LRBA: variants seen among roughly 807,000 people sequenced by gnomAD.
The protein encoded by LRBA is lipopolysaccharide-responsive and beige-like anchor protein.
Under a neutral mutation model 330.0 loss-of-function variants are expected in LRBA, and 176 were observed. The observed-to-expected ratio is 0.53, with a 90% CI of 0.47 to 0.60. The LOEUF is 0.60. Among genes scored for constraint, LRBA ranks in the 20% least tolerant of loss-of-function variants. The pLI, the probability that LRBA is intolerant of heterozygous loss-of-function variation, is 0.00. For missense variants in LRBA, 3,259 were observed against 3,444.8 expected (o/e 0.95, Z 1.35); for synonymous variants, 1,230 against 1,193.0 (o/e 1.03, Z -0.64).
intron 2 of LRBA, among the ~76,000 whole-genome samples, chr4:151,008,734 G>C (rs1744419923): frequency 6.6e-6 from 1 of 151,392 alleles, no homozygotes; most frequent in African/African-American, 2.4e-5. Context: ...GAGCACTTTG[G>C]GAGGCTGAGG....
At chr4:150,383,552 A>G (rs1303904877) in intron 47 of LRBA, among the ~76,000 whole-genome samples, 1 of 152,108 alleles carries the variant, frequency 6.6e-6, no homozygotes, top group African/African-American at 2.4e-5. Context: ...TGCACCCCCA[A>G]TTTTGTATAG....
intron 2 of LRBA, among the ~76,000 whole-genome samples, chr4:150,996,873 T>C (rs1284595574): frequency 3.9e-5 from 6 of 152,146 alleles, no homozygotes; most frequent in Non-Finnish European, 8.8e-5. Context: ...TTTCATGCTA[T>C]AAATCAAGTT....
At chr4:150,997,586 A>G (rs756098416) in intron 2 of LRBA, among the ~76,000 whole-genome samples, 27 of 152,318 alleles carry the variant, frequency 1.8e-4, no homozygotes, top group Admixed American at 5.2e-4. Context: ...AAGGGGAAAA[A>G]AAAAGAATTA....
At chr4:150,929,366 T>G (rs1447460383) in intron 2 of LRBA, among the ~76,000 whole-genome samples, 1 of 152,248 alleles carries the variant, frequency 6.6e-6, no homozygotes. Context: ...CTACAATTGC[T>G]TCTCATCCAG....
chr4:150,398,519 G>A (rs1456920694), intron 47 of LRBA, among the ~76,000 whole-genome samples: 1 of 152,046 alleles, frequency 6.6e-6, no homozygotes, highest in African/African-American at 2.4e-5. Context: ...TTTTACTTCT[G>A]AATAATTAAT....
At chr4:150,991,560 G>C (rs996215341) in intron 2 of LRBA, among the ~76,000 whole-genome samples, 1 of 152,196 alleles carries the variant, frequency 6.6e-6, no homozygotes, top group Admixed American at 6.5e-5. Context: ...AGCTAGTCAC[G>C]AAAGGCTACT....
intron 11 of LRBA, among the ~76,000 whole-genome samples, chr4:150,907,189 A>G (rs946644451): frequency 5.1e-5 from 7 of 136,424 alleles, no homozygotes; most frequent in African/African-American, 1.9e-4. Context: ...CTCCTCCTCC[A>G]CATCAGTGCT....
intron 40 of LRBA, among the ~76,000 whole-genome samples, chr4:150,538,735 A>G (rs371956507): frequency 7.3e-5 from 11 of 151,050 alleles, no homozygotes; most frequent in African/African-American, 2.7e-4. Context: ...CTGAGGCAGA[A>G]TGATTGCTTG....
In LRBA at chr4:150,396,478, T is replaced by TCACACA. The variant is rs1444805623; in HGVS notation, c.7194+18959_7194+18960insTGTGTG. On this transcript the variant is annotated intron_variant, in intron 47 of 56. Transcript: ENST00000651943. ...ATGCCAATTCCCATAATAAATCTCA[T>TCACACA]CTCACACACACACACACACACACAC... is the stretch of plus-strand genomic sequence containing the variant. 3.3e-5 allele frequency among the ~76,000 whole-genome samples: 2 copies of TCACACA among 61,216 alleles called. 1 individual carries two copies. The highest frequency in any genetic ancestry group is 9.4e-5 in the Non-Finnish European group (2 of 21,236). The allele number at this position is 61,216 out of a possible 152,430, so 40.2% of individuals were successfully genotyped here. A position where few individuals can be genotyped will look rare whatever the true frequency, so the allele number is the denominator to read the frequency against.
At chr4:150,787,324 C>A (rs1241692343) in intron 34 of LRBA, among the ~76,000 whole-genome samples, 1 of 151,926 alleles carries the variant, frequency 6.6e-6, no homozygotes, top group Non-Finnish European at 1.5e-5. Flanking sequence ...CTAATAAGAT[C>A]CTTTTTTAAA....
chr4:151,007,587 G>T (rs763367882), intron 2 of LRBA, among the ~76,000 whole-genome samples: 5 of 151,866 alleles, frequency 3.3e-5, no homozygotes, highest in Non-Finnish European at 7.4e-5. Flanking sequence ...GCCGGGCGCG[G>T]TGTCTCACAT....
In LRBA at chr4:150,431,607, A is replaced by C. The variant is rs189207334; in HGVS notation, c.7041+3982T>G. On this transcript the variant is annotated intron_variant, in intron 46 of 56. Transcript: ENST00000651943. ...ATAATTTTATATTGATTACATATTG[A>C]AATAATATTTTGGATATATACGGTT... 5.1e-4 allele frequency among the ~76,000 whole-genome samples: 77 copies of C among 152,354 alleles called. No individual in the cohort carries two copies. The East Asian group carries it at 0.013, about 26-fold the overall frequency.
At chr4:150,635,721 T>C (rs991516323) in intron 37 of LRBA, among the ~76,000 whole-genome samples, 1 of 152,190 alleles carries the variant, frequency 6.6e-6, no homozygotes, top group Non-Finnish European at 1.5e-5. Flanking sequence ...ATAATATAAC[T>C]GAAAGTCAGG....
intron 47 of LRBA, among the ~76,000 whole-genome samples, chr4:150,366,437 A>T (rs1739477208): frequency 6.6e-6 from 1 of 152,252 alleles, no homozygotes; most frequent in South Asian, 2.1e-4. Flanking sequence ...AAAATATATT[A>T]GAAGCAATCT....
intron 48 of LRBA, among the ~76,000 whole-genome samples, chr4:150,347,116 T>C (rs1049520174): frequency 6.6e-6 from 1 of 152,144 alleles, no homozygotes; most frequent in South Asian, 2.1e-4. Context: ...AAGCTAGACA[T>C]AAAAAGACAA....
chr4:150,495,886 A>T (rs1247584713), intron 40 of LRBA, among the ~76,000 whole-genome samples: 1 of 152,156 alleles, frequency 6.6e-6, no homozygotes, highest in Non-Finnish European at 1.5e-5. Flanking sequence ...AATTGCTTGA[A>T]ATCTTTACTC....
intron 56 of LRBA, among the ~76,000 whole-genome samples, chr4:150,276,567 TAAAC>T (rs1746791613): frequency 6.6e-6 from 1 of 151,984 alleles, no homozygotes; most frequent in African/African-American, 2.4e-5. Flanking sequence ...ACAAAGAACT[TAAAC>T]AAATTTACAA....
intron 40 of LRBA, chr4:150,581,356 G>A (rs1370557474): frequency 6.8e-6 from 3 of 441,766 alleles, no homozygotes; most frequent in African/African-American, 2.0e-5. Context: ...CACATATACA[G>A]CAACTGCTCT....
intron 47 of LRBA, among the ~76,000 whole-genome samples, chr4:150,409,785 T>A (rs903482382): frequency 2.0e-5 from 3 of 152,134 alleles, no homozygotes; most frequent in Non-Finnish European, 2.9e-5. Context: ...GTGTCCTCGT[T>A]TTTTAACTAA....
Sources: gnomAD v4.1 joint callset for allele counts (sites outside exome capture counted in the v4.1 genomes callset) on GRCh38, gnomAD v4.1.1 for gene constraint, MANE v1.5 for transcripts, NCBI Gene and HGNC (gene_info 2026-07-23, HGNC 2026-07-21) for gene names.